MYO9A: variants seen among roughly 807,000 people sequenced by gnomAD.
MYO9A encodes myosin IXA, also known as unconventional myosin-IXa.
A neutral mutation model predicts 293.3 loss-of-function variants in MYO9A; 103 were observed. That is an observed-to-expected ratio of 0.35 (90% confidence interval 0.30 to 0.41). The LOEUF (loss-of-function observed/expected upper bound fraction) is 0.41, where lower values mean the gene tolerates loss of function less well. Ranked by LOEUF, MYO9A falls within the 10% of genes least tolerant of loss-of-function variation. MYO9A has a pLI of 1.00. For missense variants in MYO9A, 2,685 were observed against 3,033.0 expected, an observed-to-expected ratio of 0.89 and a Z score of 2.69; for synonymous variants, 1,001 against 1,035.7, an observed-to-expected ratio of 0.97 and a Z score of 0.64.
At chr15:71,978,345 T>C in intron 11 of MYO9A, 53 bp from the exon 12 acceptor site, 11 of 1,468,950 alleles carry the variant, frequency 7.5e-6, no homozygotes, top group Non-Finnish European at 1.0e-5. Context: ...AGAAAATAGG[T>C]ATATAATATA....
intron 39 of MYO9A, among the ~76,000 whole-genome samples, chr15:71,833,510 T>C (rs1173902963): frequency 1.3e-5 from 2 of 151,558 alleles, no homozygotes; most frequent in Admixed American, 1.3e-4. Context: ...TTTTAAAAAA[T>C]AGACTATAAT....
rs1222944700 is a variant in MYO9A, at chr15:71,827,970, G to A, written c.7097C>T (p.Thr2366Ile). ...VLEPRASDDE[T>I]LESEASIGTA... The stretch of plus-strand genomic sequence containing the variant: ...CCCAATGGAGGCCTCAGACTCAAGG[G>A]TTTCATCATCAGAGGCACGGGGTTC... The change falls in exon 41 of 42, where the codon ACC (threonine) becomes ATC (isoleucine). Residue 2366 changes from threonine to isoleucine, a missense_variant. This residue lies in a region of MYO9A where 350 missense variants were observed against 328.9 expected (regional missense o/e 1.06). Coordinates refer to ENST00000356056, the MANE Select transcript of MYO9A (RefSeq NM_006901.4). 1 of 1,613,788 alleles carries A rather than the reference G, an allele frequency of 6.2e-7. No homozygotes were observed. The highest frequency in any genetic ancestry group is 8.5e-7 in the Non-Finnish European group (1 of 1,179,794).
At chr15:71,880,609 A>T in intron 28 of MYO9A, 51 bp from the exon 29 acceptor site, 1 of 1,451,264 alleles carries the variant, frequency 6.9e-7, no homozygotes, top group Non-Finnish European at 9.5e-7. Flanking sequence ...AAATATATTG[A>T]TAATCTTCAC....
In MYO9A at chr15:71,875,848, G is replaced by C. The variant is rs371979611; in HGVS notation, c.5932-10C>G. The C allele has an allele frequency of 4.1e-5, 55 of 1,354,088 alleles. No individual in the cohort carries two copies. Among genetic ancestry groups the C allele is most frequent in the Non-Finnish European group, 4.9e-5 (51 of 1,043,142 alleles). The allele number at this position is 1,354,088 out of a possible 1,614,324, so 83.9% of individuals were successfully genotyped here. ...TTTCTGTTTTTGGCACCTGACAGGG[G>C]GACAGGAGATATATGGAAATTGTGA... On this transcript the variant is annotated splice_polypyrimidine_tract_variant and intron_variant, in intron 31 of 41. Transcript: ENST00000356056.
chr15:71,983,410 A>AT (rs1346367122), intron 11 of MYO9A, among the ~76,000 whole-genome samples: 3 of 136,698 alleles, frequency 2.2e-5, no homozygotes, highest in African/African-American at 8.4e-5. Context: ...CTTATATGCT[A>AT]TTACTGTCAT....
chr15:71,866,737 T>G (rs1284150042), intron 32 of MYO9A, among the ~76,000 whole-genome samples: 2 of 152,098 alleles, frequency 1.3e-5, no homozygotes, highest in Non-Finnish European at 2.9e-5. Flanking sequence ...TCACGACTAT[T>G]TAGATCAACT....
At chr15:72,035,850 A>G (rs536549249) in intron 2 of MYO9A, among the ~76,000 whole-genome samples, 1 of 151,992 alleles carries the variant, frequency 6.6e-6, no homozygotes, top group Admixed American at 6.5e-5. Flanking sequence ...TATGTATATG[A>G]CATTCTCAAA....
intron 2 of MYO9A, among the ~76,000 whole-genome samples, chr15:72,038,295 A>G (rs945675862): frequency 6.6e-6 from 1 of 152,178 alleles, no homozygotes; most frequent in African/African-American, 2.4e-5. Flanking sequence ...AAGTCTCAAT[A>G]AATTTAAAAG....
chr15:71,862,225 T>TA (rs1247706088), intron 33 of MYO9A, among the ~76,000 whole-genome samples: 1 of 152,146 alleles, frequency 6.6e-6, no homozygotes, highest in African/African-American at 2.4e-5. Flanking sequence ...GATGTGAGTG[T>TA]AGGCATGAAG....
Position 71,901,351 on chromosome 15 carries a change from GAAGA to G in MYO9A, c.3001-15_3001-12del. 3 of 1,604,158 alleles carry G rather than the reference GAAGA, an allele frequency of 1.9e-6. No individual in the cohort carries two copies. Among genetic ancestry groups the G allele is most frequent in the East Asian group, 2.2e-5 (1 of 44,654 alleles). On this transcript the variant is annotated splice_polypyrimidine_tract_variant and intron_variant, in intron 22 of 41. Transcript: ENST00000356056. ...CTCCTTTAGAAAGACCTACCAAAAGGAAGAAAGATGAGGAATGCAGCTTAAGAAG... is the reference window on the plus strand; with the variant it reads ...CTCCTTTAGAAAGACCTACCAAAAGGAAGATGAGGAATGCAGCTTAAGAAG...
At chr15:72,058,567 G>A (rs1011540615) in intron 1 of MYO9A, among the ~76,000 whole-genome samples, 3 of 152,082 alleles carry the variant, frequency 2.0e-5, no homozygotes, top group Admixed American at 6.6e-5. Context: ...AACAATACAC[G>A]TAAAGAACTA....
chr15:71,958,874 A>C (rs1255854000), intron 14 of MYO9A: 8 of 152,222 alleles, frequency 5.3e-5, no homozygotes, highest in Admixed American at 5.2e-4. Flanking sequence ...CAAATAATAG[A>C]TTTTAAATGC....
At chr15:71,963,646 T>G (rs1328371488) in intron 13 of MYO9A, among the ~76,000 whole-genome samples, 2 of 151,558 alleles carry the variant, frequency 1.3e-5, no homozygotes, top group Non-Finnish European at 2.9e-5. Flanking sequence ...GAGACAGGGT[T>G]TCTTCATGTT....
intron 32 of MYO9A, among the ~76,000 whole-genome samples, chr15:71,872,957 G>C (rs1290796845): frequency 6.6e-6 from 1 of 150,698 alleles, no homozygotes; most frequent in Non-Finnish European, 1.5e-5. Flanking sequence ...CTGTCGCCCA[G>C]GCTGGAGTGC....
chr15:72,016,680 A>C (rs1370618502), intron 6 of MYO9A, among the ~76,000 whole-genome samples: 1 of 152,238 alleles, frequency 6.6e-6, no homozygotes, highest in Non-Finnish European at 1.5e-5. Context: ...TTATTAATTA[A>C]CATAAGAAAA....
chr15:71,930,332 A>C (rs916917278), intron 18 of MYO9A, among the ~76,000 whole-genome samples: 2 of 152,156 alleles, frequency 1.3e-5, no homozygotes, highest in Non-Finnish European at 2.9e-5. Flanking sequence ...ATTGTAGTTT[A>C]TCTCTCTCTT....
chr15:71,940,900 G>A (rs956195820), intron 15 of MYO9A, among the ~76,000 whole-genome samples: 75 of 152,080 alleles, frequency 4.9e-4, no homozygotes, highest in African/African-American at 1.8e-3. Context: ...CAGCCTGGAT[G>A]ACAGAGGAAG....
Position 71,862,531 on chromosome 15 carries a change from T to C in MYO9A, c.6060A>G (p.Ile2020Met). 6.2e-7 allele frequency: 1 copy of C among 1,611,968 alleles called. No homozygotes were observed. The highest frequency in any genetic ancestry group is 8.5e-7 in the Non-Finnish European group (1 of 1,178,170). ...AAACAGAGGCTCGGTCCATTATCCA[T>C]ATCAAAGAAGAACAGTATTCACAGT... is the stretch of plus-strand genomic sequence containing the variant. Reference protein sequence around the residue: ...PTYCEYCSSLIWIMDRASVCK... With the variant: ...PTYCEYCSSLMWIMDRASVCK... Residue 2020 changes from isoleucine to methionine, a missense_variant, in exon 33 of 42, where the codon ATA (isoleucine) becomes ATG (methionine). Ile to Met is a conservative substitution (Grantham distance 10, BLOSUM62 1). Coordinates refer to ENST00000356056, the MANE Select transcript of MYO9A (RefSeq NM_006901.4).
At chr15:72,043,825 A>G (rs958639997) in intron 2 of MYO9A, among the ~76,000 whole-genome samples, 1 of 152,154 alleles carries the variant, frequency 6.6e-6, no homozygotes, top group Non-Finnish European at 1.5e-5. Flanking sequence ...CTTTAAATAT[A>G]CGCAGTTTAC....
Sources: allele counts gnomAD v4.1 joint callset (sites outside exome capture counted in the v4.1 genomes callset), GRCh38; gene constraint gnomAD v4.1.1; regional missense constraint gnomAD v4.1.1; transcripts MANE v1.5; gene names NCBI Gene and HGNC (gene_info 2026-07-23, HGNC 2026-07-21).